SLCO2A1: variants seen among roughly 807,000 people sequenced by gnomAD.
The protein encoded by SLCO2A1 is matrin F/G 1.
In SLCO2A1, 60 loss-of-function variants were observed where a neutral mutation model predicts 71.7. The observed-to-expected ratio is 0.84, with a 90% CI of 0.68 to 1.04. The LOEUF (loss-of-function observed/expected upper bound fraction) is 1.04, where lower values mean the gene tolerates loss of function less well. Among genes scored for constraint, SLCO2A1 ranks in the 50% least tolerant of loss-of-function variants. The pLI, the probability that SLCO2A1 is intolerant of heterozygous loss-of-function variation, is 0.00. For missense variants in SLCO2A1, 745 were observed against 813.4 expected, an observed-to-expected ratio of 0.92 and a Z score of 1.02; for synonymous variants, 308 against 326.7, an observed-to-expected ratio of 0.94 and a Z score of 0.62.
chr3:133,984,614 C>T (rs1026027061), intron 1 of SLCO2A1, among the ~76,000 whole-genome samples: 1 of 152,076 alleles, frequency 6.6e-6, no homozygotes, highest in Non-Finnish European at 1.5e-5. Flanking sequence ...CAAGTACCTC[C>T]TATATGGCCA....
At chr3:133,940,467 T>C (rs1933390062) in intron 11 of SLCO2A1, among the ~76,000 whole-genome samples, 1 of 152,208 alleles carries the variant, frequency 6.6e-6, no homozygotes. Context: ...CTTCACGACC[T>C]CCTTGTACCT....
At position 133,955,015 on chromosome 3, in the gene SLCO2A1, G is replaced by A; in HGVS notation, c.576C>T (p.Ile192=). Residue 192 remains isoleucine (I), a synonymous_variant, in exon 4 of 14, where the codon ATC becomes ATT. Transcript: ENST00000310926. Reference sequence around the variant, plus strand: ...GCTCTGAGAAGTCATCCACATAGGAGATCCCAAATGGCTGAATAGGCACTG... The same window carrying A: ...GCTCTGAGAAGTCATCCACATAGGAAATCCCAAATGGCTGAATAGGCACTG... ...IGTVPIQPFG[I]SYVDDFSEPS... is the part of the protein sequence containing the mutation. 1.2e-6 allele frequency: 2 copies of A among 1,614,184 alleles called. No homozygotes were observed. The highest frequency in any genetic ancestry group is 1.1e-5 in the South Asian group (1 of 91,070).
At chr3:133,935,746 G>T in intron 13 of SLCO2A1, 28 bp downstream of exon 13, 1 of 1,552,670 alleles carries the variant, frequency 6.4e-7, no homozygotes. Context: ...GCCTGGCTCT[G>T]GGACACACAT....
intron 3 of SLCO2A1, among the ~76,000 whole-genome samples, chr3:133,966,535 C>G (rs1934174256): frequency 6.6e-6 from 1 of 152,220 alleles, no homozygotes; most frequent in Admixed American, 6.5e-5. Flanking sequence ...TCCAGAGCAC[C>G]AGCCAGCCCC....
In SLCO2A1 at chr3:133,954,006, G is replaced by T. The variant is rs551146262; in HGVS notation, c.626-245C>A. Reference sequence around the variant, plus strand: ...GACCTGCTTGCCAGGAAGGAAACAGGCTCCAAGGCATTTAAAAATGCCAGG... The same window carrying T: ...GACCTGCTTGCCAGGAAGGAAACAGTCTCCAAGGCATTTAAAAATGCCAGG... On this transcript the variant is annotated intron_variant, in intron 4 of 13. Coordinates refer to ENST00000310926, the MANE Select transcript of SLCO2A1 (RefSeq NM_005630.3). Among the ~76,000 whole-genome samples, 4 of 152,194 alleles carry T rather than the reference G, an allele frequency of 2.6e-5. No individual in the cohort carries two copies. The South Asian group carries it at 8.3e-4, about 32-fold the overall frequency.
chr3:133,949,009 G>C, intron 6 of SLCO2A1, 38 bp from the exon 7 acceptor site: 1 of 1,546,404 alleles, frequency 6.5e-7, no homozygotes, highest in Non-Finnish European at 8.9e-7. Context: ...CACGGCCCAG[G>C]CTCACTGTAG....
chr3:133,980,497 G>A (rs180792133), intron 1 of SLCO2A1, among the ~76,000 whole-genome samples: 27 of 152,318 alleles, frequency 1.8e-4, no homozygotes, highest in African/African-American at 4.1e-4. Flanking sequence ...CAGCTGTTGC[G>A]CTGACACCGA....
intron 3 of SLCO2A1, among the ~76,000 whole-genome samples, chr3:133,964,346 T>TG (rs1934116419): frequency 6.6e-6 from 1 of 152,140 alleles, no homozygotes; most frequent in Non-Finnish European, 1.5e-5. Flanking sequence ...TTAAAAATAA[T>TG]GAGTATATTA....
intron 4 of SLCO2A1, 105 bp from the exon 5 acceptor site, chr3:133,953,866 C>T (rs1933815345): frequency 6.0e-6 from 5 of 838,372 alleles, no homozygotes; most frequent in South Asian, 1.5e-5. Flanking sequence ...TTCATCTGTT[C>T]CCAAGCCTGA....
chr3:133,974,553 T>C (rs184690006), intron 2 of SLCO2A1, among the ~76,000 whole-genome samples: 19 of 152,278 alleles, frequency 1.2e-4, no homozygotes, highest in African/African-American at 2.6e-4. Context: ...TGTTTTCAAT[T>C]CTGTGAAATG....
At chr3:133,967,531 C>T (rs1449185491) in intron 3 of SLCO2A1, among the ~76,000 whole-genome samples, 3 of 152,186 alleles carry the variant, frequency 2.0e-5, no homozygotes, top group Non-Finnish European at 4.4e-5. Flanking sequence ...AAAAAATGTT[C>T]CACATCAAAT....
intron 1 of SLCO2A1, among the ~76,000 whole-genome samples, chr3:133,990,656 C>T (rs113317241): frequency 1.3e-5 from 2 of 152,164 alleles, no homozygotes; most frequent in Non-Finnish European, 2.9e-5. Context: ...TGCCCATCTC[C>T]ACTTCTCCAT....
intron 1 of SLCO2A1, among the ~76,000 whole-genome samples, chr3:134,023,884 A>G (rs1218395157): frequency 9.1e-6 from 1 of 109,742 alleles, no homozygotes; most frequent in African/African-American, 2.7e-5. Context: ...CCAGGATTCT[A>G]CAGCCTGGAG....
intron 3 of SLCO2A1, among the ~76,000 whole-genome samples, chr3:133,956,324 G>C (rs1342637031): frequency 6.6e-6 from 1 of 152,160 alleles, no homozygotes; most frequent in African/African-American, 2.4e-5. Flanking sequence ...TGGGGCTGGG[G>C]AGAGGGGTCT....
intron 1 of SLCO2A1, among the ~76,000 whole-genome samples, chr3:134,020,030 G>A (rs1402746915): frequency 2.0e-5 from 3 of 152,032 alleles, no homozygotes; most frequent in Admixed American, 1.3e-4. Context: ...TGACCTAATC[G>A]GTTATGTTAT....
intron 1 of SLCO2A1, among the ~76,000 whole-genome samples, chr3:133,994,815 C>T (rs946124528): frequency 6.6e-6 from 1 of 152,090 alleles, no homozygotes; most frequent in African/African-American, 2.4e-5. Flanking sequence ...GTTCTTGCCC[C>T]GCTTCTTCCA....
chr3:133,952,475 C>T (rs189757331), intron 5 of SLCO2A1, among the ~76,000 whole-genome samples: 136 of 152,328 alleles, frequency 8.9e-4, no homozygotes, highest in African/African-American at 2.7e-3. Context: ...GTATCCCACC[C>T]ACACACTCCC....
chr3:133,947,466 G>A (rs1933616801), intron 8 of SLCO2A1, 21 bp from the exon 9 acceptor site: 1 of 1,571,726 alleles, frequency 6.4e-7, no homozygotes, highest in Non-Finnish European at 8.7e-7. Flanking sequence ...AAAGAAGGAG[G>A]TGATCCAGGT....
intron 1 of SLCO2A1, among the ~76,000 whole-genome samples, chr3:133,987,131 G>GCTCCCCCCCCCCC (rs1934731200): frequency 9.5e-6 from 1 of 105,032 alleles, no homozygotes. Context: ...AAAATTCAAA[G>GCTCCCCCCCCCCC]CCCCCCCCCC....
Sources: gnomAD v4.1 joint callset for allele counts (sites outside exome capture counted in the v4.1 genomes callset) on GRCh38, gnomAD v4.1.1 for gene constraint, MANE v1.5 for transcripts, NCBI Gene and HGNC (gene_info 2026-07-23, HGNC 2026-07-21) for gene names.